SOX5: variants seen among roughly 807,000 people sequenced by gnomAD.
The protein encoded by SOX5 is SRY-box transcription factor 5.
SOX5 carries 9 observed loss-of-function variants against 92.0 expected under a neutral mutation model. The observed-to-expected ratio is 0.10, with a 90% CI of 0.06 to 0.17. The LOEUF is 0.17. Ranked by LOEUF, SOX5 falls within the 10% of genes least tolerant of loss-of-function variation. The pLI is 1.00. For missense variants in SOX5, 642 were observed against 944.5 expected, an observed-to-expected ratio of 0.68 and a Z score of 4.20; for synonymous variants, 344 against 336.3, an observed-to-expected ratio of 1.02 and a Z score of -0.25.
intron 4 of SOX5, among the ~76,000 whole-genome samples, chr12:24,107,822 C>T (rs767134453): frequency 1.8e-4 from 28 of 152,100 alleles, no homozygotes; most frequent in South Asian, 4.1e-4. Context: ...TTAATTAAAA[C>T]GAGAAAGATG....
At chr12:24,201,935 A>G (rs1417195843) in intron 4 of SOX5, among the ~76,000 whole-genome samples, 2 of 152,188 alleles carry the variant, frequency 1.3e-5, no homozygotes, top group Non-Finnish European at 2.9e-5. Context: ...GGAGTTTTAC[A>G]TCTACCAGAA....
chr12:24,018,666 A>T (rs571932360), intron 4 of SOX5, among the ~76,000 whole-genome samples: 3 of 152,102 alleles, frequency 2.0e-5, no homozygotes, highest in African/African-American at 2.4e-5. Context: ...GCATGGTGGC[A>T]TGTGCCAATA....
chr12:23,913,745 A>AG (rs1475580439), intron 1 of SOX5, among the ~76,000 whole-genome samples: 1 of 151,532 alleles, frequency 6.6e-6, no homozygotes, highest in African/African-American at 2.4e-5. Flanking sequence ...TCAGAAGAAA[A>AG]AAAAAAAAAA....
chr12:24,466,661 T>C (rs1321071395), intron 1 of SOX5, among the ~76,000 whole-genome samples: 1 of 152,198 alleles, frequency 6.6e-6, no homozygotes, highest in Admixed American at 6.5e-5. Flanking sequence ...GATCCTTTCC[T>C]GTTGCAACAA....
chr12:24,098,982 G>C (rs1184610538), intron 4 of SOX5, among the ~76,000 whole-genome samples: 1 of 152,102 alleles, frequency 6.6e-6, no homozygotes, highest in African/African-American at 2.4e-5. Context: ...AATCATTCTT[G>C]ATCTCAGTCT....
chr12:24,231,392 G>A (rs1202629526), intron 3 of SOX5, among the ~76,000 whole-genome samples: 1 of 152,146 alleles, frequency 6.6e-6, no homozygotes, highest in Non-Finnish European at 1.5e-5. Context: ...GAACGGTTTA[G>A]ATTTTGCTAA....
chr12:24,204,878 C>G (rs1322368765), intron 4 of SOX5, among the ~76,000 whole-genome samples: 1 of 152,136 alleles, frequency 6.6e-6, no homozygotes, highest in Non-Finnish European at 1.5e-5. Flanking sequence ...TTTACCTCCT[C>G]TCACTGCCTA....
At chr12:24,412,538 T>A (rs1964292197) in intron 1 of SOX5, among the ~76,000 whole-genome samples, 1 of 152,128 alleles carries the variant, frequency 6.6e-6, no homozygotes, top group Non-Finnish European at 1.5e-5. Context: ...TTGTTACCCA[T>A]GGATTATTTA....
intron 3 of SOX5, among the ~76,000 whole-genome samples, chr12:24,219,507 C>A (rs1959881986): frequency 6.6e-6 from 1 of 152,060 alleles, no homozygotes; most frequent in South Asian, 2.1e-4. Flanking sequence ...AAGTTCCCCA[C>A]TTCTATCTAT....
intron 2 of SOX5, among the ~76,000 whole-genome samples, chr12:24,320,177 G>T (rs965593284): frequency 6.6e-6 from 1 of 152,194 alleles, no homozygotes; most frequent in Non-Finnish European, 1.5e-5. Context: ...AGGGGGAAAA[G>T]TATTACTTTA....
Position 23,604,500 on chromosome 12 carries a change from C to G in SOX5, c.1051G>C (p.Val351Leu). The change falls in exon 9 of 15, where the codon GTA (valine) becomes CTA (leucine). Residue 351 changes from valine to leucine, a missense_variant. Around this residue, in one of 8 missense-constraint regions of SOX5, gnomAD observed 324 missense variants for 461.6 expected, o/e 0.70. Transcript: ENST00000451604. Reference sequence around the variant, plus strand: ...CCTGGCAGCTTCCCTCCTGGAGATACCTGCATTGCAGCTAGCTGGGCAGCA... The same window carrying G: ...CCTGGCAGCTTCCCTCCTGGAGATAGCTGCATTGCAGCTAGCTGGGCAGCA... ...LYAAQLAAMQ[V>L]SPGGKLPGIP... is the part of the protein sequence containing the mutation. 1 of 1,613,684 alleles carries G rather than the reference C, an allele frequency of 6.2e-7. No individual in the cohort carries two copies. The highest frequency in any genetic ancestry group is 8.5e-7 in the Non-Finnish European group (1 of 1,179,792).
chr12:24,252,689 T>TAA (rs542347992), intron 3 of SOX5, among the ~76,000 whole-genome samples: 30 of 136,862 alleles, frequency 2.2e-4, no homozygotes, highest in South Asian at 1.2e-3. Context: ...GTCTATGCTT[T>TAA]AAAAAAAAAA....
intron 6 of SOX5, among the ~76,000 whole-genome samples, chr12:23,721,445 G>A (rs1476350215): frequency 6.6e-6 from 1 of 152,030 alleles, no homozygotes; most frequent in Non-Finnish European, 1.5e-5. Flanking sequence ...GTGTTGGTCT[G>A]TGATGAGGTC....
intron 2 of SOX5, among the ~76,000 whole-genome samples, chr12:23,860,329 A>T (rs916658113): frequency 6.6e-6 from 1 of 152,104 alleles, no homozygotes; most frequent in African/African-American, 2.4e-5. Flanking sequence ...TGCTAAAAAT[A>T]TGTTCCCAAT....
In SOX5 at chr12:23,690,578, T is replaced by C. The variant is rs563061385; in HGVS notation, c.811-25014A>G. ...TCTTTTCCTCTCACTATTCATAAAATTTATAACTTTTTTCACTCAGCCACC... is the reference window on the plus strand; with the variant it reads ...TCTTTTCCTCTCACTATTCATAAAACTTATAACTTTTTTCACTCAGCCACC... On this transcript the variant is annotated intron_variant, in intron 6 of 14. Transcript: ENST00000451604. Among the ~76,000 whole-genome samples the C allele has an allele frequency of 7.9e-4, 3 of 3,816 alleles. No homozygotes were observed. The East Asian group carries it at 0.19, about 238-fold the overall frequency. The allele number at this position is 3,816 out of a possible 152,430, so 2.5% of individuals were successfully genotyped here. A position where few individuals can be genotyped will look rare whatever the true frequency, so the allele number is the denominator to read the frequency against.
intron 2 of SOX5, among the ~76,000 whole-genome samples, chr12:23,872,459 G>A (rs1230031136): frequency 6.6e-6 from 1 of 152,010 alleles, no homozygotes; most frequent in South Asian, 2.1e-4. Flanking sequence ...TTTCCCAGAA[G>A]TTATGGTGTC....
intron 7 of SOX5, among the ~76,000 whole-genome samples, chr12:23,656,964 T>C (rs1162488058): frequency 1.3e-5 from 2 of 151,842 alleles, no homozygotes; most frequent in Admixed American, 6.6e-5. Context: ...TTTAATATAT[T>C]AGAAAAAAAA....
At chr12:23,577,150 T>TATATACACACACAC (rs1387483353) in intron 9 of SOX5, among the ~76,000 whole-genome samples, 1 of 117,594 alleles carries the variant, frequency 8.5e-6, no homozygotes, top group African/African-American at 3.3e-5. Flanking sequence ...TATATATATA[T>TATATACACACACAC]ACACACACAC....
intron 3 of SOX5, among the ~76,000 whole-genome samples, chr12:24,239,999 G>A (rs1205034182): frequency 6.6e-6 from 1 of 152,136 alleles, no homozygotes; most frequent in South Asian, 2.1e-4. Context: ...TTAGCAAAAT[G>A]TATGTATCTT....
Sources: gnomAD v4.1 joint callset for allele counts (sites outside exome capture counted in the v4.1 genomes callset) on GRCh38, gnomAD v4.1.1 for gene constraint, gnomAD v4.1.1 regional missense constraint, MANE v1.5 for transcripts, NCBI Gene and HGNC (gene_info 2026-07-23, HGNC 2026-07-21) for gene names.